SLC39A7: variants seen among roughly 807,000 people sequenced by gnomAD.
SLC39A7 encodes the protein zinc transporter SLC39A7.
A neutral mutation model predicts 39.7 loss-of-function variants in SLC39A7; 25 were observed. The ratio of observed to expected loss-of-function variants is 0.63; its 90% CI spans 0.46 to 0.88. SLC39A7 has a LOEUF of 0.88. Among genes scored for constraint, SLC39A7 ranks in the 40% least tolerant of loss-of-function variants. The pLI, the probability that SLC39A7 is intolerant of heterozygous loss-of-function variation, is 0.00. For missense variants in SLC39A7, 501 were observed against 592.1 expected (o/e 0.85, Z 1.60); for synonymous variants, 181 against 234.1 (o/e 0.77, Z 2.07).
chr6:33,202,005 A>G (rs922657597), intron 2 of SLC39A7, 67 bp from the exon 3 acceptor site: 10 of 1,599,080 alleles, frequency 6.3e-6, no homozygotes, highest in African/African-American at 1.3e-5. Context: ...TGACCTTTCG[A>G]TATTCCCCCA....
Position 33,202,697 on chromosome 6 carries a change from T to C in SLC39A7, c.937T>C (p.Leu313=), listed in dbSNP as rs1196927211. ...GAACGCTGAAGAAGAAAAAAGAGGC[T>C]TAGGTAAGGGCCAGAGTTGGTGATA... The part of the protein sequence containing the change: ...PQNAEEEKRG[L]DLRVSGYLNL... Residue 313 remains leucine (L), a synonymous_variant, in exon 5 of 7, where the codon TTA becomes CTA. Transcript: ENST00000374677. 3 of 1,591,498 alleles carry C rather than the reference T, an allele frequency of 1.9e-6. No individual in the cohort carries two copies. The highest frequency in any genetic ancestry group is 2.6e-6 in the Non-Finnish European group (3 of 1,173,958).
intron 3 of SLC39A7, 67 bp from the exon 4 acceptor site, chr6:33,202,196 C>G (rs1475329877): frequency 6.3e-7 from 1 of 1,592,946 alleles, no homozygotes; most frequent in East Asian, 2.2e-5. Flanking sequence ...TTCCTCACCT[C>G]CCGCACTTGA....
At position 33,200,915 on chromosome 6, in the gene SLC39A7, G is replaced by C. The variant is rs1774482368; in HGVS notation, c.-331G>C. On this transcript the variant is annotated 5_prime_UTR_variant, in exon 1 of 7. Transcript: ENST00000374677. The surrounding 1 kb of genome is among the most constrained non-coding windows in gnomAD (Gnocchi z 6.3). ...GGGACTGCCACGTCCAAGCAAACCG[G>C]GAAAGGAGAGGATCCCGGAGCCGGT... The C allele has an allele frequency of 5.3e-6, 6 of 1,126,430 alleles. No individual in the cohort carries two copies. Among genetic ancestry groups the C allele is most frequent in the Non-Finnish European group, 7.8e-6 (6 of 769,258 alleles). 69.8% of individuals were successfully genotyped at this position (1,126,430 alleles called of 1,614,324 possible).
chr6:33,201,821 C>T lies in SLC39A7; in HGVS notation c.488C>T (p.Pro163Leu). The change falls in exon 2 of 7, where the codon CCC (proline) becomes CTC (leucine). Residue 163 changes from proline to leucine, a missense_variant. Physicochemically the swap from Pro to Leu is moderately conservative, Grantham distance 98. Transcript: ENST00000374677. This position sits in a 1 kb window ranked among gnomAD's most constrained non-coding sequence, Gnocchi z 5.9. Reference sequence around the variant, plus strand: ...CTTATCCCCGTGGAGTCGAACTCTCCCCGGCATCGCTCTCTACTTCAGATC... The same window carrying T: ...CTTATCCCCGTGGAGTCGAACTCTCTCCGGCATCGCTCTCTACTTCAGATC... ...LFLIPVESNS[P>L]RHRSLLQILL... is the part of the protein sequence containing the mutation. 1.2e-6 allele frequency: 2 copies of T among 1,613,344 alleles called. No individual in the cohort carries two copies. The highest frequency in any genetic ancestry group is 1.7e-6 in the Non-Finnish European group (2 of 1,179,980).
At position 33,203,813 on chromosome 6, in the gene SLC39A7, A is replaced by G; in HGVS notation, c.1410A>G (p.Ter470TrpextTer46). Residue 470 changes from the stop codon to tryptophan, a stop_lost, in exon 7 of 7, where the codon TGA becomes TGG. Transcript: ENST00000374677. ...TGGTGCTGATTGCCCACCTTGAGTGAGGGGTGGATAAACTACCCCTGCCCC... is the reference window on the plus strand; with the variant it reads ...TGGTGCTGATTGCCCACCTTGAGTGGGGGGTGGATAAACTACCCCTGCCCC... ...IMMVLIAHLE[*>W] The G allele has an allele frequency of 6.2e-7, 1 of 1,613,712 alleles. No homozygotes were observed. The highest frequency in any genetic ancestry group is 1.1e-5 in the South Asian group (1 of 91,064).
At position 33,201,197 on chromosome 6, in the gene SLC39A7, T is replaced by C. The variant is rs551333258; in HGVS notation, c.-49T>C. Reference sequence around the variant, plus strand: ...GAGTAAAGCGGACCCTGTGTAGGTATAGAGTTGAGTCAAGTGGAGTCACTG... The same window carrying C: ...GAGTAAAGCGGACCCTGTGTAGGTACAGAGTTGAGTCAAGTGGAGTCACTG... On this transcript the variant is annotated 5_prime_UTR_variant, in exon 1 of 7. Transcript: ENST00000374677. This position sits in a 1 kb window ranked among gnomAD's most constrained non-coding sequence, Gnocchi z 5.9. 7 of 1,551,114 alleles carry C rather than the reference T, an allele frequency of 4.5e-6. No individual in the cohort carries two copies. In the South Asian group the frequency reaches 7.1e-5, roughly 16 times the overall value.
chr6:33,201,976 C>A lies in SLC39A7; in HGVS notation c.580+63C>A. The A allele has an allele frequency of 1.3e-6, 2 of 1,596,404 alleles. No individual in the cohort carries two copies. The highest frequency in any genetic ancestry group is 1.7e-6 in the Non-Finnish European group (2 of 1,164,896). On this transcript the variant is annotated intron_variant, in intron 2 of 6. Coordinates refer to ENST00000374677, the MANE Select transcript of SLC39A7 (RefSeq NM_006979.3). The surrounding 1 kb of genome is among the most constrained non-coding windows in gnomAD (Gnocchi z 5.9). ...TTTCGTTCTTTGGAGGAAAAGGGTT[C>A]TTTCTCCTTTATGATCCCTGACCTT...
chr6:33,203,453 CCCTATA>C, intron 6 of SLC39A7, 82 bp from the exon 7 acceptor site: 3 of 1,351,006 alleles, frequency 2.2e-6, no homozygotes, highest in Non-Finnish European at 3.1e-6. Flanking sequence ...AATCCATGTC[CCCTATA>C]CCTATACCCC....
Sources: allele counts gnomAD v4.1 joint callset, GRCh38; gene constraint gnomAD v4.1.1; non-coding constraint Gnocchi (gnomAD v3.1); transcripts MANE v1.5; gene names NCBI Gene and HGNC (gene_info 2026-07-23, HGNC 2026-07-21).